SPSB4: variants seen among roughly 807,000 people sequenced by gnomAD.
The protein encoded by SPSB4 is SPRY domain-containing SOCS box protein 4.
In SPSB4, 21 loss-of-function variants were observed where a neutral mutation model predicts 20.9. The ratio of observed to expected loss-of-function variants is 1.01; its 90% confidence interval spans 0.71 to 1.45. The LOEUF (loss-of-function observed/expected upper bound fraction) is 1.45, where lower values mean the gene tolerates loss of function less well. Ranked by LOEUF, SPSB4 falls within the 40% of genes most tolerant of loss-of-function variation. SPSB4 has a pLI of 0.00. For missense variants in SPSB4, 399 were observed against 399.2 expected (o/e 1.00, Z 0.00); for synonymous variants, 207 against 183.8 (o/e 1.13, Z -1.02).
At chr3:141,091,710 G>C (rs1938452079) in intron 2 of SPSB4, among the ~76,000 whole-genome samples, 1 of 152,196 alleles carries the variant, frequency 6.6e-6, no homozygotes, top group Non-Finnish European at 1.5e-5. Context: ...AATTAAAGTA[G>C]TGCAGGTGCT....
intron 2 of SPSB4, among the ~76,000 whole-genome samples, chr3:141,143,227 A>G (rs1042475607): frequency 3.9e-5 from 6 of 152,010 alleles, no homozygotes; most frequent in African/African-American, 7.2e-5. Context: ...CTCTTTCCCC[A>G]CTTTACCTTA....
intron 2 of SPSB4, chr3:141,132,139 C>A: frequency 5.0e-6 from 2 of 402,518 alleles, no homozygotes; most frequent in East Asian, 1.0e-4. Context: ...CCCTCCCACC[C>A]TTTCCCCCAG....
intron 2 of SPSB4, among the ~76,000 whole-genome samples, chr3:141,070,039 A>C (rs928338486): frequency 3.3e-5 from 5 of 152,200 alleles, no homozygotes; most frequent in African/African-American, 1.2e-4. Context: ...AACCTTCTGC[A>C]AGTGGAATTG....
At chr3:141,117,782 C>T (rs984833170) in intron 2 of SPSB4, among the ~76,000 whole-genome samples, 21 of 152,202 alleles carry the variant, frequency 1.4e-4, no homozygotes, top group African/African-American at 5.1e-4. Context: ...TGATAGTTTG[C>T]TGAGAATGAT....
intron 2 of SPSB4, among the ~76,000 whole-genome samples, chr3:141,135,346 T>C (rs1939208721): frequency 6.6e-6 from 1 of 151,200 alleles, no homozygotes; most frequent in African/African-American, 2.4e-5. Context: ...CTTTTATTAT[T>C]ATTATTATTA....
chr3:141,130,608 A>G (rs1939116884), intron 2 of SPSB4, among the ~76,000 whole-genome samples: 1 of 152,166 alleles, frequency 6.6e-6, no homozygotes, highest in South Asian at 2.1e-4. Flanking sequence ...TTTTCAAAAT[A>G]TAAATACAGG....
At chr3:141,058,442 G>A (rs1042066775) in intron 1 of SPSB4, among the ~76,000 whole-genome samples, 1 of 152,196 alleles carries the variant, frequency 6.6e-6, no homozygotes, top group Non-Finnish European at 1.5e-5. Flanking sequence ...ATTAAGTTTG[G>A]TTTTGGGGAA....
In SPSB4 at chr3:141,147,314, C is replaced by T; in HGVS notation, c.*45C>T. On this transcript the variant is annotated 3_prime_UTR_variant, in exon 3 of 3. Coordinates refer to ENST00000310546, the MANE Select transcript of SPSB4 (RefSeq NM_080862.3). Reference sequence around the variant, plus strand: ...ACAGACACAGACACACACCGCAGGGCCCGACCCTCCTGTCATTCACAGTCC... The same window carrying T: ...ACAGACACAGACACACACCGCAGGGTCCGACCCTCCTGTCATTCACAGTCC... 4 of 1,609,470 alleles carry T rather than the reference C, an allele frequency of 2.5e-6. No homozygotes were observed. Among genetic ancestry groups the T allele is most frequent in the South Asian group, 1.1e-5 (1 of 90,730 alleles).
At chr3:141,065,280 C>T (rs1937841908) in intron 1 of SPSB4, among the ~76,000 whole-genome samples, 1 of 152,202 alleles carries the variant, frequency 6.6e-6, no homozygotes, top group Non-Finnish European at 1.5e-5. Flanking sequence ...CTCACCCCAT[C>T]TTCCCACGCT....
At chr3:141,132,231 G>C (rs140090822) in intron 2 of SPSB4, 1 of 422,372 alleles carries the variant, frequency 2.4e-6, no homozygotes, top group South Asian at 1.6e-5. Context: ...GCAGTGGCAC[G>C]ATCTCGGCTC....
At chr3:141,080,332 G>A (rs1033016960) in intron 2 of SPSB4, 7 of 152,226 alleles carry the variant, frequency 4.6e-5, no homozygotes, top group Non-Finnish European at 1.0e-4. Flanking sequence ...AGAGTTCCCT[G>A]GGTCTACTAA....
chr3:141,086,328 A>G (rs1028681081), intron 2 of SPSB4, among the ~76,000 whole-genome samples: 2 of 152,224 alleles, frequency 1.3e-5, no homozygotes, highest in African/African-American at 4.8e-5. Flanking sequence ...AATTAGGTGC[A>G]GAGTTTATGT....
chr3:141,094,854 C>T (rs1938519079), intron 2 of SPSB4, among the ~76,000 whole-genome samples: 1 of 150,542 alleles, frequency 6.6e-6, no homozygotes, highest in Non-Finnish European at 1.5e-5. Context: ...AGCCCCCTCA[C>T]CCTATCCCTT....
intron 2 of SPSB4, among the ~76,000 whole-genome samples, chr3:141,108,283 C>T (rs180996364): frequency 6.6e-6 from 1 of 152,188 alleles, no homozygotes; most frequent in Non-Finnish European, 1.5e-5. Context: ...CTATGAATAA[C>T]CCACAAAATC....
chr3:141,097,147 G>A (rs1938556708), intron 2 of SPSB4, among the ~76,000 whole-genome samples: 1 of 152,214 alleles, frequency 6.6e-6, no homozygotes, highest in African/African-American at 2.4e-5. Flanking sequence ...TCCATCAGCA[G>A]CTCCCAGCCG....
At chr3:141,085,263 G>A (rs577874484) in intron 2 of SPSB4, among the ~76,000 whole-genome samples, 4 of 152,180 alleles carry the variant, frequency 2.6e-5, no homozygotes, top group Admixed American at 1.3e-4. Context: ...GTGAGAATTA[G>A]ATCTGCTTGT....
At chr3:141,131,722 T>C (rs1939134103) in intron 2 of SPSB4, among the ~76,000 whole-genome samples, 2 of 152,244 alleles carry the variant, frequency 1.3e-5, no homozygotes, top group African/African-American at 4.8e-5. Flanking sequence ...ATTTTTACAT[T>C]CCACTGTTGA....
rs763671148 is a variant in SPSB4 at position 141,066,749 on chromosome 3, C to A, written c.645C>A (p.Ala215=). The change falls in exon 2 of 3, where the codon GCC becomes GCA. Residue 215 remains alanine (A), a synonymous_variant. Coordinates refer to ENST00000310546, the MANE Select transcript of SPSB4 (RefSeq NM_080862.3). ...KGKKLYPVVS[A]VWGHCEVTMR... ...AGAAGCTGTACCCGGTGGTGAGTGC[C>A]GTGTGGGGCCACTGTGAAGTCACCA... 1 of 1,591,986 alleles carries A rather than the reference C, an allele frequency of 6.3e-7. No individual in the cohort carries two copies. The highest frequency in any genetic ancestry group is 1.1e-5 in the South Asian group (1 of 87,854).
intron 2 of SPSB4, among the ~76,000 whole-genome samples, chr3:141,082,532 A>C (rs1284513157): frequency 6.6e-6 from 1 of 152,250 alleles, no homozygotes; most frequent in East Asian, 1.9e-4. Context: ...TTTCTGTCAC[A>C]GAACTGCTGT....
Sources: allele counts gnomAD v4.1 joint callset (sites outside exome capture counted in the v4.1 genomes callset), GRCh38; gene constraint gnomAD v4.1.1; transcripts MANE v1.5; gene names NCBI Gene and HGNC (gene_info 2026-07-23, HGNC 2026-07-21).